Variants in BEND3 observed in about 807,000 individuals in gnomAD.
BEND3 encodes BEN domain-containing protein 3.
BEND3 carries 13 observed loss-of-function variants against 60.1 expected under a neutral mutation model. That is an observed-to-expected ratio of 0.22 (90% CI 0.14 to 0.34). The LOEUF (loss-of-function observed/expected upper bound fraction) is 0.34. Among genes scored for constraint, BEND3 ranks in the 10% least tolerant of loss-of-function variants. BEND3 has a pLI of 1.00. For synonymous variants in BEND3, 497 were observed against 491.5 expected (o/e 1.01, Z -0.15); for missense variants, 896 against 1,138.1 (o/e 0.79, Z 3.06).
At position 107,066,416 on chromosome 6, in the gene BEND3, G is replaced by T. The variant is rs1554230843; in HGVS notation, c.*2288C>A. 1.3e-5 allele frequency: 2 copies of T among 152,568 alleles called. No individual in the cohort carries two copies. The highest frequency in any genetic ancestry group is 4.8e-5 in the African/African-American group (2 of 41,420). The allele number at this position is 152,568 out of a possible 1,614,324, so 9.5% of individuals were successfully genotyped here. The stretch of plus-strand genomic sequence containing the variant: ...AGAAAGGGACTGTAAGATTCTGGGG[G>T]AAGATGCCCTACACATGTAAGGTAT... On this transcript the variant is annotated 3_prime_UTR_variant, in exon 4 of 4. Transcript: ENST00000369042.
At chr6:107,108,469 A>G (rs1263250335) in intron 1 of BEND3, among the ~76,000 whole-genome samples, 1 of 152,180 alleles carries the variant, frequency 6.6e-6, no homozygotes, top group Non-Finnish European at 1.5e-5. Context: ...CTGACTGCAC[A>G]ACGGTGACTA....
At chr6:107,074,105 A>G (rs1381233269) in intron 3 of BEND3, among the ~76,000 whole-genome samples, 1 of 152,156 alleles carries the variant, frequency 6.6e-6, no homozygotes, top group Non-Finnish European at 1.5e-5. Flanking sequence ...GTCTATCTGA[A>G]TCACACTAAG....
chr6:107,074,347 G>A (rs1172643075), intron 3 of BEND3, among the ~76,000 whole-genome samples: 20 of 152,042 alleles, frequency 1.3e-4, no homozygotes, highest in Non-Finnish European at 1.8e-4. Context: ...CCTGGGAGGC[G>A]GAGGTTGCAG....
rs79304320 is a variant in BEND3, at chr6:107,110,884, G to A, written c.-12+4206C>T. ...AAGTTTCATTTTAAAAATTTATCCC[G>A]GTCAGGCAGTGGCTCACACCTGCAA... On this transcript the variant is annotated intron_variant, in intron 1 of 3. Coordinates refer to ENST00000369042, the MANE Select transcript of BEND3 (RefSeq NM_001367314.1). 0.011 allele frequency among the ~76,000 whole-genome samples: 1,623 copies of A among 151,422 alleles called. 107 individuals carry two copies. The East Asian group carries it at 0.17, about 16-fold the overall frequency.
chr6:107,109,389 G>A (rs1221562435), intron 1 of BEND3, among the ~76,000 whole-genome samples: 1 of 141,230 alleles, frequency 7.1e-6, no homozygotes, highest in African/African-American at 2.6e-5. Context: ...GGTCCAATGA[G>A]CTGAGATAGT....
intron 3 of BEND3, among the ~76,000 whole-genome samples, chr6:107,078,555 T>G (rs371462445): frequency 3.1e-4 from 7 of 22,750 alleles, no homozygotes; most frequent in African/African-American, 6.6e-4. Context: ...CCTGGGTTCA[T>G]GCCATTCTCC....
At chr6:107,077,813 T>C (rs530424033) in intron 3 of BEND3, among the ~76,000 whole-genome samples, 2 of 152,268 alleles carry the variant, frequency 1.3e-5, no homozygotes, top group Non-Finnish European at 2.9e-5. Flanking sequence ...TTCTTAAGAA[T>C]CCTCGGCTCA....
Position 107,098,567 on chromosome 6 carries a change from C to A in BEND3, c.224G>T (p.Arg75Met). The part of the protein sequence containing the change: ...LLDSVPGVKR[R>M]RLIPEALLAG... Reference sequence around the variant, plus strand: ...GGCCCTCACCTCGGGGATCAGCCGCCTCCTCTTCACGCCGGGGACAGAGTC... The same window carrying A: ...GGCCCTCACCTCGGGGATCAGCCGCATCCTCTTCACGCCGGGGACAGAGTC... Residue 75 changes from arginine (R) to methionine (M), a missense_variant, in exon 3 of 4, where the codon AGG (arginine) becomes ATG (methionine). Arg to Met is a moderately conservative substitution (Grantham distance 91). Coordinates refer to ENST00000369042, the MANE Select transcript of BEND3 (RefSeq NM_001367314.1). 6.2e-7 allele frequency: 1 copy of A among 1,613,076 alleles called. No homozygotes were observed. Among genetic ancestry groups the A allele is most frequent in the Non-Finnish European group, 8.5e-7 (1 of 1,180,040 alleles).
At chr6:107,090,603 C>T (rs529890888) in intron 3 of BEND3, among the ~76,000 whole-genome samples, 1 of 152,158 alleles carries the variant, frequency 6.6e-6, no homozygotes, top group East Asian at 1.9e-4. Flanking sequence ...TGTGCACGCA[C>T]TTATATATAA....
intron 1 of BEND3, among the ~76,000 whole-genome samples, chr6:107,105,491 C>T (rs1486270873): frequency 6.6e-6 from 1 of 151,974 alleles, no homozygotes; most frequent in East Asian, 1.9e-4. Flanking sequence ...TCCAAAAGGA[C>T]ATTCTCTAGT....
intron 3 of BEND3, among the ~76,000 whole-genome samples, chr6:107,084,936 C>T (rs1235136388): frequency 2.0e-5 from 3 of 152,220 alleles, no homozygotes; most frequent in Non-Finnish European, 2.9e-5. Flanking sequence ...CATTCGGGTC[C>T]CCTTCCACGC....
intron 3 of BEND3, among the ~76,000 whole-genome samples, chr6:107,080,745 G>T (rs1425139842): frequency 6.6e-6 from 1 of 151,960 alleles, no homozygotes; most frequent in African/African-American, 2.4e-5. Flanking sequence ...TTAGCTGGGC[G>T]TGGTGGTGCG....
chr6:107,073,153 A>T (rs1382313945), intron 3 of BEND3, among the ~76,000 whole-genome samples: 2 of 142,776 alleles, frequency 1.4e-5, no homozygotes, highest in Non-Finnish European at 3.0e-5. Flanking sequence ...TAAGTGCATT[A>T]GTTATCACAG....
At chr6:107,112,215 A>G (rs1770120149) in intron 1 of BEND3, among the ~76,000 whole-genome samples, 1 of 152,160 alleles carries the variant, frequency 6.6e-6, no homozygotes, top group Non-Finnish European at 1.5e-5. Flanking sequence ...GCAGCGCTAA[A>G]AAGTAGCAGG....
At chr6:107,082,523 C>T (rs1775255294) in intron 3 of BEND3, among the ~76,000 whole-genome samples, 1 of 152,146 alleles carries the variant, frequency 6.6e-6, no homozygotes, top group South Asian at 2.1e-4. Context: ...CAACTTCTAC[C>T]TCCTGGGTTC....
chr6:107,099,190 T>C, intron 2 of BEND3, 59 bp downstream of exon 2: 1 of 1,363,028 alleles, frequency 7.3e-7, no homozygotes, highest in Non-Finnish European at 1.0e-6. Flanking sequence ...TGTGAATGTA[T>C]GACCTGATCA....
chr6:107,081,906 T>G (rs1775242822), intron 3 of BEND3, among the ~76,000 whole-genome samples: 1 of 152,126 alleles, frequency 6.6e-6, no homozygotes, highest in Non-Finnish European at 1.5e-5. Flanking sequence ...AAGTGTGACA[T>G]CATTTGTGCA....
rs572880237 is a variant in BEND3 at position 107,110,981 on chromosome 6, T to C, written c.-12+4109A>G. On this transcript the variant is annotated intron_variant, in intron 1 of 3. Transcript: ENST00000369042. ...GAGTTCGAGACCAGCCTGGCCAACA[T>C]GGTGAAACCCCGTATCTACTAAAAA... Among the ~76,000 whole-genome samples, 535 of 151,890 alleles carry C rather than the reference T, an allele frequency of 3.5e-3. 3 individuals carry two copies. Among genetic ancestry groups the C allele is most frequent in the Non-Finnish European group, 4.8e-3 (329 of 67,926 alleles).
chr6:107,076,421 C>G (rs797026041), intron 3 of BEND3, among the ~76,000 whole-genome samples: 1 of 152,112 alleles, frequency 6.6e-6, no homozygotes, highest in African/African-American at 2.4e-5. Flanking sequence ...CACCAGCACC[C>G]GTAGAACCCA....
Sources: allele counts gnomAD v4.1 joint callset (sites outside exome capture counted in the v4.1 genomes callset), GRCh38; gene constraint gnomAD v4.1.1; transcripts MANE v1.5; gene names NCBI Gene and HGNC (gene_info 2026-07-23, HGNC 2026-07-21).